The following FAM117A variants were observed in gnomAD, a reference collection of about 807,000 sequenced individuals.
The protein encoded by FAM117A is family with sequence similarity 117 member A, also known as protein FAM117A.
In FAM117A, 21 loss-of-function variants were observed where a neutral mutation model predicts 44.1. The ratio of observed to expected loss-of-function variants is 0.48; its 90% CI spans 0.34 to 0.69. The LOEUF (loss-of-function observed/expected upper bound fraction) is 0.69. Ranked by LOEUF, FAM117A falls within the 30% of genes least tolerant of loss-of-function variation. FAM117A has a pLI of 0.01. For synonymous variants in FAM117A, 220 were observed against 238.3 expected, an observed-to-expected ratio of 0.92 and a Z score of 0.71; for missense variants, 498 against 589.9, an observed-to-expected ratio of 0.84 and a Z score of 1.61.
intron 1 of FAM117A, 105 bp from the exon 2 acceptor site, chr17:49,732,825 C>G: frequency 8.4e-7 from 1 of 1,196,406 alleles, no homozygotes; most frequent in Non-Finnish European, 1.2e-6. Flanking sequence ...CCCGTCTTCA[C>G]TCATATCCAC....
intron 2 of FAM117A, among the ~76,000 whole-genome samples, chr17:49,724,762 A>G (rs557578773): frequency 4.7e-5 from 7 of 148,660 alleles, no homozygotes; most frequent in Non-Finnish European, 1.0e-4. Context: ...TAGAGGTTGC[A>G]GTGAGCTGAG....
intron 1 of FAM117A, chr17:49,733,005 C>A: frequency 3.0e-6 from 1 of 338,556 alleles, no homozygotes; most frequent in Non-Finnish European, 5.6e-6. Flanking sequence ...TCCTAATGGA[C>A]TATGAACCGT....
chr17:49,783,623 C>A (rs930357185), intron 1 of FAM117A, among the ~76,000 whole-genome samples: 1 of 152,002 alleles, frequency 6.6e-6, no homozygotes, highest in South Asian at 2.1e-4. Flanking sequence ...CCATCTCCAG[C>A]AAGAGTAAAG....
intron 2 of FAM117A, among the ~76,000 whole-genome samples, chr17:49,727,643 A>G (rs1030119067): frequency 1.3e-5 from 2 of 151,662 alleles, no homozygotes; most frequent in African/African-American, 4.8e-5. Context: ...ACAGCTGGGC[A>G]TGGGGGTGGA....
chr17:49,732,506 C>A, intron 2 of FAM117A, 45 bp downstream of exon 2: 1 of 1,597,154 alleles, frequency 6.3e-7, no homozygotes, highest in South Asian at 1.1e-5. Flanking sequence ...CCAGCTCTCC[C>A]GCCCCATCCT....
At chr17:49,740,335 C>T (rs1287010482) in intron 1 of FAM117A, among the ~76,000 whole-genome samples, 9 of 151,982 alleles carry the variant, frequency 5.9e-5, no homozygotes, top group South Asian at 2.1e-4. Context: ...TTGCAAGCTC[C>T]GCCTCCCGGG....
chr17:49,754,138 G>A (rs1220148803), intron 1 of FAM117A, among the ~76,000 whole-genome samples: 5 of 149,628 alleles, frequency 3.3e-5, no homozygotes, highest in Non-Finnish European at 5.9e-5. Context: ...CCCCACCCCT[G>A]GCTTATGTCA....
At chr17:49,767,540 C>T (rs1411381746), upstream of FAM117A, among the ~76,000 whole-genome samples, 1 of 152,216 alleles carries the variant, frequency 6.6e-6, no homozygotes. Context: ...GATGCTATTT[C>T]ATTTGGGATA....
At chr17:49,782,683 T>C (rs144724808) in intron 1 of FAM117A, among the ~76,000 whole-genome samples, 5,223 of 130,990 alleles carry the variant, frequency 0.04, 361 homozygotes, top group African/African-American at 0.14. Context: ...GAGCTAGACT[T>C]TGTCTCAAAA....
chr17:49,755,739 T>C (rs1220917159), intron 1 of FAM117A, among the ~76,000 whole-genome samples: 1 of 152,150 alleles, frequency 6.6e-6, no homozygotes, highest in African/African-American at 2.4e-5. Flanking sequence ...GGTTTTGCCT[T>C]GTAAGTAGCT....
intron 1 of FAM117A, among the ~76,000 whole-genome samples, chr17:49,742,262 G>A (rs920842863): frequency 6.6e-6 from 1 of 152,098 alleles, no homozygotes. Flanking sequence ...CTGTGTGTCC[G>A]ACTTCCCAAG....
intron 2 of FAM117A, 137 bp from the exon 3 acceptor site, chr17:49,722,731 G>A (rs2073541073): frequency 6.1e-6 from 4 of 655,832 alleles, no homozygotes; most frequent in South Asian, 3.6e-5. Flanking sequence ...ACTCCCAGTC[G>A]GTGTTCTTCT....
At chr17:49,788,849 G>A (rs1037741239), upstream of FAM117A, 2 of 1,588,888 alleles carry the variant, frequency 1.3e-6, no homozygotes, top group Non-Finnish European at 1.7e-6. Context: ...CGCGAAGGAA[G>A]GTGAGAAACG....
chr17:49,715,441 G>GTA (rs754800957), intron 7 of FAM117A, among the ~76,000 whole-genome samples: 1 of 152,176 alleles, frequency 6.6e-6, no homozygotes, highest in Admixed American at 6.5e-5. Context: ...GCCCTGGTGA[G>GTA]TATTAAGCTG....
At chr17:49,788,153 C>T (rs1281026753) in intron 1 of FAM117A, among the ~76,000 whole-genome samples, 1 of 152,218 alleles carries the variant, frequency 6.6e-6, no homozygotes, top group Non-Finnish European at 1.5e-5. Flanking sequence ...CTCTACCAGA[C>T]AGGAAACTTG....
At chr17:49,739,588 C>T (rs1419917887) in intron 1 of FAM117A, among the ~76,000 whole-genome samples, 1 of 152,154 alleles carries the variant, frequency 6.6e-6, no homozygotes, top group African/African-American at 2.4e-5. Context: ...TCGGGTTCTG[C>T]CCTGCACTTG....
Position 49,762,038 on chromosome 17 carries a change from A to G in FAM117A, c.196+1854T>C, listed in dbSNP as rs559198659. 7.9e-5 allele frequency among the ~76,000 whole-genome samples: 12 copies of G among 152,330 alleles called. No homozygotes were observed. The South Asian group carries it at 8.3e-4, about 11-fold the overall frequency. ...AGCTCTAGCTTCCTACATTTCTACC[A>G]GTATCCCAGGGCCTCTGGCTCTATA... On this transcript the variant is annotated intron_variant, in intron 1 of 7. Coordinates refer to ENST00000240364, the MANE Select transcript of FAM117A (RefSeq NM_030802.4).
In FAM117A at chr17:49,719,893, G is replaced by T. The variant is rs566472842; in HGVS notation, c.575C>A (p.Ala192Glu). The T allele has an allele frequency of 6.2e-6, 10 of 1,600,416 alleles. No individual in the cohort carries two copies. Among genetic ancestry groups the T allele is most frequent in the Non-Finnish European group, 7.6e-6 (9 of 1,176,780 alleles). The change falls in exon 5 of 8, where the codon GCG (alanine) becomes GAG (glutamate). Residue 192 changes from alanine (A) to glutamate (E), a missense_variant and splice_region_variant. Coordinates refer to ENST00000240364, the MANE Select transcript of FAM117A (RefSeq NM_030802.4). ...CCCTGAGGGGAAGCTGGGAGGGGAC[G>T]CCTGAGGAAGAGGCAAATGACAAAA... ...GDHAVRGALR[A>E]SPPSFPSGSP...
chr17:49,730,760 C>G (rs143475391), intron 2 of FAM117A, among the ~76,000 whole-genome samples: 8 of 152,232 alleles, frequency 5.3e-5, no homozygotes, highest in Admixed American at 1.3e-4. Context: ...ATGGCAGTGC[C>G]CAGGGCTCCC....
Sources: allele counts gnomAD v4.1 joint callset (sites outside exome capture counted in the v4.1 genomes callset), GRCh38; gene constraint gnomAD v4.1.1; transcripts MANE v1.5; gene names NCBI Gene and HGNC (gene_info 2026-07-23, HGNC 2026-07-21).